The following DRC8 variants were observed in gnomAD, a reference collection of about 807,000 sequenced individuals.
DRC8 encodes dynein regulatory complex protein 8.
the DRC8 span, among the ~76,000 whole-genome samples, chr1:245,023,808 A>T: frequency 1.3e-5 from 2 of 152,146 alleles, no homozygotes; most frequent in Non-Finnish European, 2.9e-5. Context: ...CGTGAATGGT[A>T]TGATACTATA....
At chr1:245,082,298 T>G in the DRC8 span, 1 of 674,512 alleles carries the variant, frequency 1.5e-6, no homozygotes, top group Non-Finnish European at 2.5e-6. Context: ...CTCTAACCTT[T>G]CAAGCTACTT....
the DRC8 span, chr1:245,087,250 C>T: frequency 6.2e-7 from 1 of 1,602,922 alleles, no homozygotes; most frequent in Non-Finnish European, 8.5e-7. Flanking sequence ...CTGAGGTGAG[C>T]CTTTTTCTCA....
the DRC8 span, among the ~76,000 whole-genome samples, chr1:244,975,119 A>G: frequency 6.6e-6 from 1 of 151,902 alleles, no homozygotes; most frequent in African/African-American, 2.4e-5. Flanking sequence ...TTTAGTAGTG[A>G]TGGGGTTTCA....
chr1:245,059,912 G>C, the DRC8 span, among the ~76,000 whole-genome samples: 1 of 152,198 alleles, frequency 6.6e-6, no homozygotes, highest in Non-Finnish European at 1.5e-5. Context: ...CGAGTCATGT[G>C]TAATAGTGGA....
chr1:245,097,077 G>C, the DRC8 span, among the ~76,000 whole-genome samples: 3 of 152,052 alleles, frequency 2.0e-5, no homozygotes, highest in Admixed American at 6.6e-5. This position sits in a 1 kb window ranked among gnomAD's most constrained non-coding sequence, Gnocchi z 5.0. Flanking sequence ...AACGAGGTTG[G>C]GTACAGGTAT....
the DRC8 span, among the ~76,000 whole-genome samples, chr1:244,990,603 C>T: frequency 2.0e-5 from 3 of 152,142 alleles, no homozygotes; most frequent in Non-Finnish European, 4.4e-5. Flanking sequence ...AAGCTCTTTT[C>T]GCTGGCTCCT....
At chr1:245,037,366 C>T in the DRC8 span, among the ~76,000 whole-genome samples, 1 of 152,116 alleles carries the variant, frequency 6.6e-6, no homozygotes, top group African/African-American at 2.4e-5. Context: ...ATCATATAAA[C>T]AGATCTGTGA....
At chr1:244,970,096 G>T in the DRC8 span, 15 of 661,480 alleles carry the variant, frequency 2.3e-5, no homozygotes, top group East Asian at 3.0e-4. Flanking sequence ...GGGAAAGGAG[G>T]GGTTGGGGAC....
chr1:244,970,782 CT>C, the DRC8 span: 3 of 361,350 alleles, frequency 8.3e-6, no homozygotes, highest in Non-Finnish European at 9.7e-6. Context: ...CCCCGTCCTC[CT>C]TCCCCCTCCC....
At chr1:245,050,946 C>T in the DRC8 span, among the ~76,000 whole-genome samples, 792 of 152,202 alleles carry the variant, frequency 5.2e-3, 3 homozygotes, top group Non-Finnish European at 7.5e-3. Flanking sequence ...GCCACGATCT[C>T]GGTTCACTGC....
the DRC8 span, chr1:245,017,211 A>T: frequency 6.3e-7 from 1 of 1,578,218 alleles, no homozygotes; most frequent in Non-Finnish European, 8.6e-7. Flanking sequence ...AGCTAAAGTA[A>T]ACTAATTTTT....
chr1:244,970,896 C>A, the DRC8 span: 1 of 206,930 alleles, frequency 4.8e-6, no homozygotes, highest in Non-Finnish European at 9.6e-6. Flanking sequence ...GCCGCCGCCG[C>A]CTCCACACTC....
the DRC8 span, chr1:245,017,418 C>G: frequency 7.8e-7 from 1 of 1,275,316 alleles, no homozygotes; most frequent in South Asian, 1.7e-5. Flanking sequence ...TACACTGTAC[C>G]TTGGATTTAT....
chr1:245,100,075 A>G, the DRC8 span, among the ~76,000 whole-genome samples: 1 of 152,192 alleles, frequency 6.6e-6, no homozygotes, highest in African/African-American at 2.4e-5. Flanking sequence ...ATAATACTAT[A>G]ATCGTCCCTT....
chr1:245,035,239 G>A, the DRC8 span, among the ~76,000 whole-genome samples: 2 of 150,396 alleles, frequency 1.3e-5, no homozygotes, highest in African/African-American at 4.9e-5. Context: ...ATATAGAAAT[G>A]TAAGGGACCT....
chr1:245,085,290 T>C, the DRC8 span, among the ~76,000 whole-genome samples: 1 of 152,132 alleles, frequency 6.6e-6, no homozygotes, highest in Non-Finnish European at 1.5e-5. Flanking sequence ...GAAAATAGGT[T>C]TTTTGAGATG....
At chr1:245,078,602 T>G in the DRC8 span, among the ~76,000 whole-genome samples, 1 of 152,072 alleles carries the variant, frequency 6.6e-6, no homozygotes. Flanking sequence ...TACTGCATGA[T>G]CTCTGTTACA....
chr1:245,030,105 C>G, the DRC8 span, among the ~76,000 whole-genome samples: 19 of 152,274 alleles, frequency 1.2e-4, no homozygotes, highest in Admixed American at 7.8e-4. Flanking sequence ...TAGATTCACT[C>G]GAAAAGTGTG....
At chr1:245,069,738 A>G in the DRC8 span, among the ~76,000 whole-genome samples, 11 of 152,290 alleles carry the variant, frequency 7.2e-5, no homozygotes, top group Admixed American at 6.5e-4. Context: ...GCTGTACTGT[A>G]CACTTAAAAA....
Sources: gnomAD v4.1 joint callset for allele counts (sites outside exome capture counted in the v4.1 genomes callset) on GRCh38, gnomAD v4.1.1 for gene constraint, Gnocchi (gnomAD v3.1) non-coding constraint, MANE v1.5 for transcripts, NCBI Gene and HGNC (gene_info 2026-07-23, HGNC 2026-07-21) for gene names.